TRHDE: variants seen among roughly 807,000 people sequenced by gnomAD.
The protein encoded by TRHDE is thyrotropin-releasing hormone-degrading ectoenzyme.
In TRHDE, 72 loss-of-function variants were observed where a neutral mutation model predicts 125.7. That is an observed-to-expected ratio of 0.57 (90% confidence interval 0.47 to 0.70). The LOEUF is 0.70. TRHDE is among the 30% of genes least tolerant of loss of function. The pLI, the probability that TRHDE is intolerant of heterozygous loss-of-function variation, is 0.00. For synonymous variants in TRHDE, 509 were observed against 509.1 expected (o/e 1.00, Z 0.00); for missense variants, 1,110 against 1,327.1 (o/e 0.84, Z 2.54).
Position 72,273,773 on chromosome 12 carries a change from T to A in TRHDE, c.914+216T>A, listed in dbSNP as rs542573450. On this transcript the variant is annotated intron_variant, in intron 1 of 18. Transcript: ENST00000261180. This position sits in a 1 kb window ranked among gnomAD's most constrained non-coding sequence, Gnocchi z 5.3. ...CCAACTTCGCAAACTGACTCACCGGTGCCAAAAGATGAATGCTGCCCCCTC... is the reference window on the plus strand; with the variant it reads ...CCAACTTCGCAAACTGACTCACCGGAGCCAAAAGATGAATGCTGCCCCCTC... The A allele has an allele frequency of 7.3e-6, 4 of 549,072 alleles. No homozygotes were observed. In the South Asian group the frequency reaches 1.1e-4, roughly 15 times the overall value. The allele number at this position is 549,072 out of a possible 1,614,324, so 34.0% of individuals were successfully genotyped here.
At chr12:72,155,834 G>A (rs1876491140) in intron 2 of TRHDE, among the ~76,000 whole-genome samples, 1 of 152,192 alleles carries the variant, frequency 6.6e-6, no homozygotes, top group Admixed American at 6.5e-5. Flanking sequence ...GGCTACTCTG[G>A]GGTCAGGGAC....
At chr12:72,214,625 A>G (rs2139364059) in intron 2 of TRHDE, among the ~76,000 whole-genome samples, 1 of 152,332 alleles carries the variant, frequency 6.6e-6, no homozygotes, top group South Asian at 2.1e-4. Context: ...TATTTGAAAC[A>G]AAATTATCCC....
intron 2 of TRHDE, among the ~76,000 whole-genome samples, chr12:72,358,239 T>C (rs1046843172): frequency 6.6e-6 from 1 of 151,494 alleles, no homozygotes; most frequent in Admixed American, 6.6e-5. Context: ...GGTCCCCTTA[T>C]ACATGAATTT....
At chr12:72,443,231 T>TGTGTGTG (rs1565743371) in intron 3 of TRHDE, among the ~76,000 whole-genome samples, 2 of 149,776 alleles carry the variant, frequency 1.3e-5, no homozygotes, top group African/African-American at 2.5e-5. Context: ...TGTGTGTGTG[T>TGTGTGTG]TTTCCACTAC....
intron 3 of TRHDE, among the ~76,000 whole-genome samples, chr12:72,446,298 C>G (rs1232790025): frequency 6.6e-6 from 1 of 151,402 alleles, no homozygotes; most frequent in Non-Finnish European, 1.5e-5. Flanking sequence ...CTATCCCTCC[C>G]CCTTCCCTCT....
intron 18 of TRHDE, among the ~76,000 whole-genome samples, chr12:72,661,739 G>C (rs1874926053): frequency 6.6e-6 from 1 of 151,852 alleles, no homozygotes. Flanking sequence ...CAATCCCTTT[G>C]CTTCTTCCTT....
intron 3 of TRHDE, among the ~76,000 whole-genome samples, chr12:72,379,997 C>A (rs181531061): frequency 2.0e-5 from 3 of 152,120 alleles, no homozygotes; most frequent in Admixed American, 6.5e-5. Context: ...TAAGCACATA[C>A]GCATTTTGAC....
chr12:72,355,486 A>G (rs543139256), intron 2 of TRHDE, among the ~76,000 whole-genome samples: 19 of 151,854 alleles, frequency 1.3e-4, no homozygotes, highest in African/African-American at 4.6e-4. Flanking sequence ...CATTCTGGAC[A>G]TAAGAACTGG....
rs1246474312 is a variant in TRHDE, at chr12:72,619,052, AT to A, written c.2469+19del. The A allele has an allele frequency of 2.0e-6, 3 of 1,523,696 alleles. No individual in the cohort carries two copies. In the African/African-American group the frequency reaches 4.3e-5, roughly 22 times the overall value. 94.4% of individuals were successfully genotyped at this position (1,523,696 alleles called of 1,614,324 possible). A position where few individuals can be genotyped will look rare whatever the true frequency, so the allele number is the denominator to read the frequency against. On this transcript the variant is annotated intron_variant, in intron 13 of 18. Transcript: ENST00000261180. ...AACATTTTCAATGTAAAAAGATATA[AT>A]TTTTCTTTCTAATTTTTAGAAGATA... is the stretch of plus-strand genomic sequence containing the variant.
chr12:72,638,287 T>TTG (rs1171417251), intron 15 of TRHDE, among the ~76,000 whole-genome samples: 1 of 151,458 alleles, frequency 6.6e-6, no homozygotes, highest in Admixed American at 6.6e-5. Flanking sequence ...TTGATCTTTG[T>TTG]TGGTTGAAAG....
chr12:72,406,161 CATACTGCTAAAGATTAAAA>C (rs1409749103), intron 3 of TRHDE, among the ~76,000 whole-genome samples: 1 of 152,146 alleles, frequency 6.6e-6, no homozygotes, highest in Admixed American at 6.5e-5. Flanking sequence ...TTACAAAGCT[CATACTGCTAAAGATTAAAA>C]GAATGTGCCG....
intron 12 of TRHDE, chr12:72,582,484 G>C: frequency 1.0e-6 from 1 of 985,272 alleles, no homozygotes; most frequent in Non-Finnish European, 1.2e-6. Context: ...TGTGTCTTCT[G>C]GATGGCTCTC....
intron 12 of TRHDE, among the ~76,000 whole-genome samples, chr12:72,608,920 G>C (rs1171133363): frequency 2.0e-5 from 3 of 152,136 alleles, no homozygotes; most frequent in Admixed American, 2.0e-4. Flanking sequence ...TATGAACCTG[G>C]GGGGGTTAGA....
intron 2 of TRHDE, among the ~76,000 whole-genome samples, chr12:72,112,276 C>T (rs12583000): frequency 0.029 from 4,353 of 152,200 alleles, 121 homozygotes; most frequent in East Asian, 0.11. Flanking sequence ...ATTGAATTAG[C>T]GATGTACTTT....
Position 72,238,329 on chromosome 12 carries a change from T to TATAC in TRHDE, n.279+132580_279+132581insCATA, listed in dbSNP as rs1878399112. 6.7e-5 allele frequency among the ~76,000 whole-genome samples: 2 copies of TATAC among 29,984 alleles called. 1 individual carries two copies. The highest frequency in any genetic ancestry group is 1.4e-4 in the Non-Finnish European group (2 of 14,260). The allele number at this position is 29,984 out of a possible 152,430, so 19.7% of individuals were successfully genotyped here. ...ATATATATATATATATATACATATA[T>TATAC]ATATACACATTATATATATATATAT... On this transcript the variant is annotated intron_variant and non_coding_transcript_variant, in intron 2 of 4. Transcript: ENST00000548156.
intron 12 of TRHDE, among the ~76,000 whole-genome samples, chr12:72,594,396 T>C (rs1396197126): frequency 6.6e-6 from 1 of 151,824 alleles, no homozygotes; most frequent in Non-Finnish European, 1.5e-5. Context: ...TTTTGTATTT[T>C]TAGTGGAGAC....
At chr12:72,213,361 A>G (rs913788105) in intron 2 of TRHDE, among the ~76,000 whole-genome samples, 3 of 152,152 alleles carry the variant, frequency 2.0e-5, no homozygotes, top group Non-Finnish European at 4.4e-5. Context: ...TTATATATCA[A>G]TAAAGCTGTT....
At chr12:72,347,442 A>G (rs1870374253) in intron 2 of TRHDE, among the ~76,000 whole-genome samples, 1 of 152,138 alleles carries the variant, frequency 6.6e-6, no homozygotes, top group Non-Finnish European at 1.5e-5. Flanking sequence ...CTTAGAAAGC[A>G]GCATTTATGA....
chr12:72,118,586 C>A (rs565758433), intron 2 of TRHDE, among the ~76,000 whole-genome samples: 2 of 152,080 alleles, frequency 1.3e-5, no homozygotes, highest in African/African-American at 2.4e-5. Context: ...GGCAGTATTG[C>A]CTCCTTTTCT....
Sources: allele counts gnomAD v4.1 joint callset (sites outside exome capture counted in the v4.1 genomes callset), GRCh38; gene constraint gnomAD v4.1.1; non-coding constraint Gnocchi (gnomAD v3.1); transcripts MANE v1.5; gene names NCBI Gene and HGNC (gene_info 2026-07-23, HGNC 2026-07-21).